Variants in MYH10 observed in about 807,000 individuals in gnomAD.
MYH10 encodes myosin-10.
A neutral mutation model predicts 257.8 loss-of-function variants in MYH10; 55 were observed. The observed-to-expected ratio is 0.21, with a 90% CI of 0.17 to 0.27. The LOEUF (loss-of-function observed/expected upper bound fraction) is 0.27, where lower values mean the gene tolerates loss of function less well. Ranked by LOEUF, MYH10 falls within the 10% of genes least tolerant of loss-of-function variation. The pLI is 1.00. For missense variants in MYH10, 1,631 were observed against 2,500.6 expected, an observed-to-expected ratio of 0.65 and a Z score of 7.42; for synonymous variants, 854 against 921.7, an observed-to-expected ratio of 0.93 and a Z score of 1.33.
At chr17:8,505,665 A>T (rs1312487377) in intron 27 of MYH10, among the ~76,000 whole-genome samples, 2 of 152,234 alleles carry the variant, frequency 1.3e-5, no homozygotes, top group Non-Finnish European at 2.9e-5. Context: ...ATTTTTGAAA[A>T]GTGATTTCCC....
At chr17:8,501,063 AT>A in intron 28 of MYH10, 93 bp from the exon 29 acceptor site, 2 of 1,287,526 alleles carry the variant, frequency 1.6e-6, no homozygotes, top group South Asian at 1.4e-5. Context: ...TGTTTTAAAT[AT>A]TACATAAATT....
chr17:8,618,716 TA>T (rs1225144962), intron 2 of MYH10, among the ~76,000 whole-genome samples: 7 of 152,318 alleles, frequency 4.6e-5, no homozygotes, highest in Admixed American at 1.3e-4. Context: ...ACTGGCTCAC[TA>T]AATATGCAAG....
chr17:8,548,370 T>G lies in MYH10; in HGVS notation c.1102A>C (p.Asn368His). The change falls in exon 11 of 43, where the codon AAT becomes CAT. Residue 368 changes from asparagine to histidine, a missense_variant. Transcript: ENST00000360416. The part of the protein sequence containing the change: ...KVVSSVLQFG[N>H]ISFKKERNTD... ...TTTCTCTCCTTTTTGAAAGAAATAT[T>G]TCCAAACTGTAGCACTGAAGATACT... 2 of 1,613,144 alleles carry G rather than the reference T, an allele frequency of 1.2e-6. No individual in the cohort carries two copies. The highest frequency in any genetic ancestry group is 1.7e-6 in the Non-Finnish European group (2 of 1,179,596).
At chr17:8,590,865 A>C (rs935311860) in intron 3 of MYH10, among the ~76,000 whole-genome samples, 17 of 120,124 alleles carry the variant, frequency 1.4e-4, no homozygotes, top group African/African-American at 4.7e-4. Context: ...CAGGTTTCTC[A>C]ATGTCGCCTT....
intron 2 of MYH10, among the ~76,000 whole-genome samples, chr17:8,622,621 C>T (rs2085509899): frequency 6.6e-6 from 1 of 152,206 alleles, no homozygotes; most frequent in Admixed American, 6.5e-5. Flanking sequence ...GTTACATGCT[C>T]TCTCCCACCT....
In MYH10 at chr17:8,521,198, C is replaced by A. The variant is rs1234694305; in HGVS notation, c.2045G>T (p.Arg682Leu). The A allele has an allele frequency of 6.2e-7, 1 of 1,614,046 alleles. No individual in the cohort carries two copies. The highest frequency in any genetic ancestry group is 1.3e-5 in the African/African-American group (1 of 74,908). ...SAYKTKKGMF[R>L]TVGQLYKESL... Reference sequence around the variant, plus strand: ...TTCTTTGTAGAGTTGCCCAACGGTACGAAACATGCCCTTCTTGGTTTTATA... The same window carrying A: ...TTCTTTGTAGAGTTGCCCAACGGTAAGAAACATGCCCTTCTTGGTTTTATA... Residue 682 changes from arginine to leucine, a missense_variant, in exon 18 of 43, where the codon CGT (arginine) becomes CTT (leucine). Arg to Leu is a moderately radical substitution (Grantham distance 102, BLOSUM62 -2). This residue lies in a region of MYH10 where 96 missense variants were observed against 146.2 expected (regional missense o/e 0.66). Transcript: ENST00000360416.
Position 8,623,059 on chromosome 17 carries a change from G to C in MYH10, c.188C>G (p.Ala63Gly). The change falls in exon 2 of 43, where the codon GCA becomes GGA. Residue 63 changes from alanine (A) to glycine (G), a missense_variant. Ala to Gly is a moderately conservative substitution (Grantham distance 60, BLOSUM62 0). Coordinates refer to ENST00000360416, the MANE Select transcript of MYH10 (RefSeq NM_001256012.3). The part of the protein sequence containing the change: ...ERGDEVMVEL[A>G]ENGKKAMVNK... ...GACCATTGCTTTCTTTCCATTCTCT[G>C]CCAACTCCACCATAACTTCATCTCC... is the stretch of plus-strand genomic sequence containing the variant. The C allele has an allele frequency of 6.2e-7, 1 of 1,614,030 alleles. No individual in the cohort carries two copies. The highest frequency in any genetic ancestry group is 8.5e-7 in the Non-Finnish European group (1 of 1,180,038).
At position 8,506,634 on chromosome 17, in the gene MYH10, G is replaced by A; in HGVS notation, c.3215-145C>T. On this transcript the variant is annotated intron_variant, in intron 26 of 42. Transcript: ENST00000360416. The surrounding 1 kb of genome is among the most constrained non-coding windows in gnomAD (Gnocchi z 5.0). ...CCTGATGACATGGTCATGCGCTGAT[G>A]TCAACTGCTCAGTCATTTCAAACCC... is the stretch of plus-strand genomic sequence containing the variant. 1 of 797,170 alleles carries A rather than the reference G, an allele frequency of 1.3e-6. No homozygotes were observed. Among genetic ancestry groups the A allele is most frequent in the Non-Finnish European group, 1.9e-6 (1 of 518,074 alleles). The allele number at this position is 797,170 out of a possible 1,614,324, so 49.4% of individuals were successfully genotyped here. A position where few individuals can be genotyped will look rare whatever the true frequency, so the allele number is the denominator to read the frequency against.
chr17:8,492,331 T>A lies in MYH10; in HGVS notation c.4637A>T (p.Asp1546Val), dbSNP rs749523646. The A allele has an allele frequency of 1.9e-6, 3 of 1,613,614 alleles. No homozygotes were observed. In the Admixed American group the frequency reaches 5.0e-5, roughly 27 times the overall value. ...CACATCATCTTTGGAGCTCATGAGG[T>A]CTTCCATGTCTGCTCGGAGCTGCTT... ...QNKQLRADME[D>V]LMSSKDDVGK... The change falls in exon 34 of 43, where the codon GAC (aspartate) becomes GTC (valine). Residue 1546 changes from aspartate (D) to valine (V), a missense_variant. Around this residue, in one of 11 missense-constraint regions of MYH10, gnomAD observed 463 missense variants for 621.8 expected, o/e 0.74. Coordinates refer to ENST00000360416, the MANE Select transcript of MYH10 (RefSeq NM_001256012.3).
Position 8,592,970 on chromosome 17 carries a change from T to TAA in MYH10, c.503-3864_503-3863dup, listed in dbSNP as rs1567953277. Among the ~76,000 whole-genome samples the TAA allele has an allele frequency of 2.2e-3, 265 of 121,950 alleles. 14 individuals are homozygous for TAA. The highest frequency in any genetic ancestry group is 8.5e-3 in the Middle Eastern group (2 of 236). 80.0% of individuals were successfully genotyped at this position (121,950 alleles called of 152,430 possible). On this transcript the variant is annotated intron_variant, in intron 3 of 42. Coordinates refer to ENST00000360416, the MANE Select transcript of MYH10 (RefSeq NM_001256012.3). ...ATATATATATATATATATATATATA[T>TAA]AAAAGATGATGCACAGAAAGAACAA...
chr17:8,595,897 A>G (rs2084351086), intron 3 of MYH10, among the ~76,000 whole-genome samples: 2 of 152,194 alleles, frequency 1.3e-5, no homozygotes, highest in African/African-American at 4.8e-5. Context: ...TTTTCCTGAC[A>G]TAAAATAATG....
chr17:8,623,759 T>C (rs1177557205), intron 1 of MYH10, among the ~76,000 whole-genome samples: 1 of 152,206 alleles, frequency 6.6e-6, no homozygotes, highest in African/African-American at 2.4e-5. Flanking sequence ...CCTCTCATTC[T>C]ACCCTCAGAT....
chr17:8,559,817 G>A (rs1203284756), intron 7 of MYH10, among the ~76,000 whole-genome samples: 1 of 152,064 alleles, frequency 6.6e-6, no homozygotes, highest in Non-Finnish European at 1.5e-5. Flanking sequence ...TTATACTGAT[G>A]GTTAAAATTC....
intron 1 of MYH10, among the ~76,000 whole-genome samples, chr17:8,629,599 C>G (rs1181146309): frequency 6.6e-6 from 1 of 152,146 alleles, no homozygotes; most frequent in Non-Finnish European, 1.5e-5. Context: ...CAGGACTCCG[C>G]GGCTTCAACT....
At chr17:8,609,238 G>A (rs1335245254) in intron 2 of MYH10, among the ~76,000 whole-genome samples, 1 of 152,032 alleles carries the variant, frequency 6.6e-6, no homozygotes, top group Non-Finnish European at 1.5e-5. Flanking sequence ...AAATGTCAAC[G>A]CAATGGAGCA....
At chr17:8,550,429 A>G (rs2082595753) in intron 9 of MYH10, among the ~76,000 whole-genome samples, 1 of 141,828 alleles carries the variant, frequency 7.1e-6, no homozygotes, top group African/African-American at 2.7e-5. Context: ...CCCGTCTGAG[A>G]AGTGAGGAGC....
chr17:8,498,740 C>A (rs933217834), intron 30 of MYH10, among the ~76,000 whole-genome samples: 1 of 151,850 alleles, frequency 6.6e-6, no homozygotes, highest in South Asian at 2.1e-4. Flanking sequence ...CCCAGCTACT[C>A]GGGAGACTGA....
Position 8,545,477 on chromosome 17 carries a change from G to C in MYH10, c.1402C>G (p.Leu468Val). The C allele has an allele frequency of 6.2e-7, 1 of 1,613,726 alleles. No individual in the cohort carries two copies. The highest frequency in any genetic ancestry group is 8.5e-7 in the Non-Finnish European group (1 of 1,179,948). The change falls in exon 13 of 43, where the codon CTG (leucine) becomes GTG (valine). Residue 468 changes from leucine to valine, a missense_variant. Physicochemically the swap from Leu to Val is conservative, Grantham distance 32. This residue lies in a region of MYH10 where 360 missense variants were observed against 581.9 expected (regional missense o/e 0.62). Coordinates refer to ENST00000360416, the MANE Select transcript of MYH10 (RefSeq NM_001256012.3). This position sits in a 1 kb window ranked among gnomAD's most constrained non-coding sequence, Gnocchi z 4.7. Reference sequence around the variant, plus strand: ...AAAATTTCAAATCCAGCAATATCCAGGATTCCAATGAAAGATGCTCCCTGA... The same window carrying C: ...AAAATTTCAAATCCAGCAATATCCACGATTCCAATGAAAGATGCTCCCTGA... ...KRQGASFIGI[L>V]DIAGFEIFEL...
rs140691003 is a variant in MYH10 at position 8,624,523 on chromosome 17, C to G, written c.-31-1246G>C. On this transcript the variant is annotated intron_variant, in intron 1 of 42. Coordinates refer to ENST00000360416, the MANE Select transcript of MYH10 (RefSeq NM_001256012.3). ...AATCCCCACTTCTCCCCTCTGTTCA[C>G]TCCACTCCCCTAGCCAAAAATGCTA... Among the ~76,000 whole-genome samples the G allele has an allele frequency of 4.0e-3, 616 of 152,288 alleles. 3 individuals are homozygous for G. The highest frequency in any genetic ancestry group is 0.014 in the African/African-American group (577 of 41,532).
Sources: gnomAD v4.1 joint callset for allele counts (sites outside exome capture counted in the v4.1 genomes callset) on GRCh38, gnomAD v4.1.1 for gene constraint, gnomAD v4.1.1 regional missense constraint, Gnocchi (gnomAD v3.1) non-coding constraint, MANE v1.5 for transcripts, NCBI Gene and HGNC (gene_info 2026-07-23, HGNC 2026-07-21) for gene names.